DOCK4: variants seen among roughly 807,000 people sequenced by gnomAD.
DOCK4 encodes the protein dedicator of cytokinesis protein 4.
DOCK4 carries 97 observed loss-of-function variants against 268.1 expected under a neutral mutation model. The observed-to-expected ratio is 0.36, with a 90% CI of 0.31 to 0.43. DOCK4 has a LOEUF of 0.43. Among genes scored for constraint, DOCK4 ranks in the 20% least tolerant of loss-of-function variants. DOCK4 has a pLI of 1.00. For missense variants in DOCK4, 2,145 were observed against 2,455.7 expected (o/e 0.87, Z 2.67); for synonymous variants, 954 against 887.2 (o/e 1.08, Z -1.34).
At chr7:111,995,225 G>T (rs905803538) in intron 4 of DOCK4, among the ~76,000 whole-genome samples, 1 of 151,874 alleles carries the variant, frequency 6.6e-6, no homozygotes, top group East Asian at 1.9e-4. Context: ...TAGAGACAGG[G>T]TTTTACCGTG....
At position 111,739,470 on chromosome 7, in the gene DOCK4, G is replaced by A. The variant is rs757435735; in HGVS notation, c.5048C>T (p.Pro1683Leu). The A allele has an allele frequency of 1.5e-5, 23 of 1,565,080 alleles. No homozygotes were observed. The highest frequency in any genetic ancestry group is 2.0e-5 in the Non-Finnish European group (23 of 1,154,892). The change falls in exon 48 of 53, where the codon CCA (proline) becomes CTA (leucine). Residue 1683 changes from proline to leucine, a missense_variant. Transcript: ENST00000428084. ...SDEVFNMQPSPSTSSLSSTHS... is the reference protein window; with the variant it reads ...SDEVFNMQPSLSTSSLSSTHS... ...AGTAGAACTCAAGCTTGAGGTAGAT[G>A]GACTTGGCTGGAAACACACAGGGAG... is the stretch of plus-strand genomic sequence containing the variant.
chr7:111,894,629 G>A (rs1808583827), intron 16 of DOCK4, among the ~76,000 whole-genome samples: 1 of 152,168 alleles, frequency 6.6e-6, no homozygotes. Flanking sequence ...GGGGAAGGCT[G>A]ACTCCAGGAG....
chr7:112,125,290 G>A (rs1323596116), intron 1 of DOCK4, among the ~76,000 whole-genome samples: 1 of 152,172 alleles, frequency 6.6e-6, no homozygotes, highest in African/African-American at 2.4e-5. Context: ...GTCATTTAGA[G>A]TAATTGTCTT....
intron 32 of DOCK4, chr7:111,784,497 G>T (rs529298052): frequency 4.1e-6 from 2 of 482,116 alleles, no homozygotes; most frequent in East Asian, 1.2e-4. Context: ...CTTAACATTT[G>T]CCCACTCAAT....
rs373595803 is a variant in DOCK4, at chr7:111,989,121, T to G, written c.358A>C (p.Asn120His). Reference sequence around the variant, plus strand: ...TGCCGCCTCAGGTCCAGGATTTCATTCATGATGTGCCACAGCCGGTGGAAG... The same window carrying G: ...TGCCGCCTCAGGTCCAGGATTTCATGCATGATGTGCCACAGCCGGTGGAAG... ...DLFHRLWHIMNEILDLRRQVL... is the reference protein window; with the variant it reads ...DLFHRLWHIMHEILDLRRQVL... Residue 120 changes from asparagine to histidine, a missense_variant, in exon 6 of 53, where the codon AAT (asparagine) becomes CAT (histidine). Transcript: ENST00000428084. 2 of 1,613,882 alleles carry G rather than the reference T, an allele frequency of 1.2e-6. No homozygotes were observed. The highest frequency in any genetic ancestry group is 2.7e-5 in the African/African-American group (2 of 74,920).
At chr7:111,888,913 A>G (rs960685685) in intron 16 of DOCK4, among the ~76,000 whole-genome samples, 1 of 152,128 alleles carries the variant, frequency 6.6e-6, no homozygotes, top group African/African-American at 2.4e-5. Context: ...ACCACCAGAC[A>G]CTAGACACCT....
chr7:111,984,434 T>C (rs1215449285), intron 6 of DOCK4, 44 bp from the exon 7 acceptor site: 3 of 1,526,596 alleles, frequency 2.0e-6, no homozygotes, highest in South Asian at 1.2e-5. Context: ...GTTACCTCCA[T>C]GAAATATGTT....
chr7:111,872,999 T>C lies in DOCK4; in HGVS notation c.1745-435A>G, dbSNP rs551991035. Among the ~76,000 whole-genome samples the C allele has an allele frequency of 3.9e-3, 600 of 152,342 alleles. 1 individual carries two copies. Among genetic ancestry groups the C allele is most frequent in the Middle Eastern group, 0.024 (7 of 294 alleles). On this transcript the variant is annotated intron_variant, in intron 17 of 52. Transcript: ENST00000428084. ...GCTGGGAACCTGCTTTATTCCCGTT[T>C]GGGTGCCCAGCACATAGCACTCTGC...
At chr7:112,075,372 G>T (rs902020967) in intron 1 of DOCK4, among the ~76,000 whole-genome samples, 2 of 152,166 alleles carry the variant, frequency 1.3e-5, no homozygotes, top group Admixed American at 1.3e-4. Flanking sequence ...AGCCTCACAT[G>T]CAATTCCCTG....
intron 1 of DOCK4, among the ~76,000 whole-genome samples, chr7:112,041,823 T>C (rs1212649951): frequency 6.6e-6 from 1 of 152,230 alleles, no homozygotes; most frequent in Non-Finnish European, 1.5e-5. Context: ...TGTGATTCTA[T>C]GGCAAAGAGA....
At chr7:112,025,020 A>C (rs1586667146) in intron 1 of DOCK4, among the ~76,000 whole-genome samples, 1 of 151,168 alleles carries the variant, frequency 6.6e-6, no homozygotes, top group East Asian at 1.9e-4. Context: ...TAAGAAAGTT[A>C]GTTTGCATAA....
intron 36 of DOCK4, among the ~76,000 whole-genome samples, chr7:111,774,262 C>T (rs990783585): frequency 4.6e-5 from 7 of 152,038 alleles, no homozygotes; most frequent in African/African-American, 1.7e-4. Context: ...GCCAGAAGTT[C>T]GAGATCAGCC....
At chr7:112,137,863 C>A (rs1166964949) in intron 1 of DOCK4, among the ~76,000 whole-genome samples, 2 of 152,154 alleles carry the variant, frequency 1.3e-5, no homozygotes, top group Non-Finnish European at 2.9e-5. Flanking sequence ...TAAAACAGGG[C>A]TAACAATAAT....
rs116879120 is a variant in DOCK4 at position 112,033,059 on chromosome 7, A to C, written c.38-28928T>G. On this transcript the variant is annotated intron_variant, in intron 1 of 52. Coordinates refer to ENST00000428084, the MANE Select transcript of DOCK4 (RefSeq NM_001363540.2). ...ATTTTAGCAATAATCTGAGTAAGCAAACAATCTAGTAAGAGACACAGTATA... is the reference window on the plus strand; with the variant it reads ...ATTTTAGCAATAATCTGAGTAAGCACACAATCTAGTAAGAGACACAGTATA... 5.8e-3 allele frequency among the ~76,000 whole-genome samples: 887 copies of C among 152,294 alleles called. 9 individuals carry two copies. The highest frequency in any genetic ancestry group is 6.6e-3 in the Non-Finnish European group (447 of 67,998).
intron 39 of DOCK4, among the ~76,000 whole-genome samples, chr7:111,762,649 C>T (rs755114920): frequency 6.6e-6 from 1 of 151,228 alleles, no homozygotes; most frequent in African/African-American, 2.4e-5. Context: ...GCTGCTATGA[C>T]GATTCAGATA....
chr7:111,740,226 A>G (rs1795811021), intron 47 of DOCK4: 1 of 307,966 alleles, frequency 3.2e-6, no homozygotes, highest in African/African-American at 2.3e-5. Flanking sequence ...CAGCCTCCCG[A>G]GTAGCTGGGA....
chr7:111,854,445 A>C (rs1393119956), intron 23 of DOCK4, among the ~76,000 whole-genome samples: 1 of 152,116 alleles, frequency 6.6e-6, no homozygotes, highest in Non-Finnish European at 1.5e-5. Context: ...GGAATTGCTC[A>C]CTCGGGGAGC....
intron 38 of DOCK4, among the ~76,000 whole-genome samples, chr7:111,766,190 C>A (rs1198155665): frequency 6.6e-6 from 1 of 152,188 alleles, no homozygotes; most frequent in Non-Finnish European, 1.5e-5. Context: ...CGATGAACTG[C>A]TGACATGAAA....
At chr7:112,164,820 G>GT (rs1411005835) in intron 1 of DOCK4, among the ~76,000 whole-genome samples, 2 of 152,308 alleles carry the variant, frequency 1.3e-5, no homozygotes, top group African/African-American at 4.8e-5. Flanking sequence ...TAAATACCTA[G>GT]TAAGTGGCAA....
Sources: allele counts gnomAD v4.1 joint callset (sites outside exome capture counted in the v4.1 genomes callset), GRCh38; gene constraint gnomAD v4.1.1; transcripts MANE v1.5; gene names NCBI Gene and HGNC (gene_info 2026-07-23, HGNC 2026-07-21).